The following AKAP12 variants were observed in gnomAD, a reference collection of about 807,000 sequenced individuals.
AKAP12 encodes the protein A-kinase anchor protein 12.
Under a neutral mutation model 79.9 loss-of-function variants are expected in AKAP12, and 32 were observed. That is an observed-to-expected ratio of 0.40 (90% CI 0.30 to 0.54). The LOEUF (loss-of-function observed/expected upper bound fraction) is 0.54, where lower values mean the gene tolerates loss of function less well. Among genes scored for constraint, AKAP12 ranks in the 20% least tolerant of loss-of-function variants. The pLI is 0.48. For synonymous variants in AKAP12, 808 were observed against 857.0 expected (o/e 0.94, Z 1.00); for missense variants, 2,074 against 2,177.0 (o/e 0.95, Z 0.94).
chr6:151,261,733 TTTTA>T (rs59211098), intron 2 of AKAP12, among the ~76,000 whole-genome samples: 7,497 of 143,956 alleles, frequency 0.052, 211 homozygotes, highest in South Asian at 0.1. Flanking sequence ...GTTTTTATTA[TTTTA>T]TTTATTTATT....
intron 3 of AKAP12, among the ~76,000 whole-genome samples, chr6:151,344,335 A>G (rs1380964481): frequency 6.6e-6 from 1 of 152,176 alleles, no homozygotes; most frequent in Non-Finnish European, 1.5e-5. Context: ...AAAGGCCCTT[A>G]TTGAGTCTCT....
rs1050198599 is a variant in AKAP12 at position 151,351,420 on chromosome 6, C to G, written c.3029C>G (p.Thr1010Ser). Residue 1010 changes from threonine (T) to serine (S), a missense_variant, in exon 4 of 5, where the codon ACC becomes AGC. Physicochemically the swap from Thr to Ser is moderately conservative, Grantham distance 58. Coordinates refer to ENST00000402676, the MANE Select transcript of AKAP12 (RefSeq NM_005100.4). This position sits in a 1 kb window ranked among gnomAD's most constrained non-coding sequence, Gnocchi z 4.4. ...ATGGTGTCAGCAGTCTCCCAGTTAA[C>G]CGACTCCCCAGACACCACAGAGGAG... ...TEMVSAVSQL[T>S]DSPDTTEEAT... is the part of the protein sequence containing the mutation. The G allele has an allele frequency of 6.2e-7, 1 of 1,614,212 alleles. No homozygotes were observed. Among genetic ancestry groups the G allele is most frequent in the Admixed American group, 1.7e-5 (1 of 60,032 alleles).
intron 2 of AKAP12, among the ~76,000 whole-genome samples, chr6:151,259,503 T>TAC (rs1229874902): frequency 1.3e-4 from 12 of 92,248 alleles, no homozygotes; most frequent in African/African-American, 6.3e-4. Context: ...TATACATGTA[T>TAC]ATATATATAC....
chr6:151,259,079 C>T (rs192408649), intron 2 of AKAP12, among the ~76,000 whole-genome samples: 1 of 151,526 alleles, frequency 6.6e-6, no homozygotes, highest in East Asian at 1.9e-4. Context: ...GAGTCTTGCT[C>T]TGTCACCCAG....
chr6:151,289,999 CTTTCGTGTTT>C (rs1776580248), intron 2 of AKAP12, among the ~76,000 whole-genome samples: 1 of 152,178 alleles, frequency 6.6e-6, no homozygotes, highest in African/African-American at 2.4e-5. Context: ...TTTTGATACA[CTTTCGTGTTT>C]AGAAGGTAAC....
rs546431280 is a variant in AKAP12 at position 151,335,952 on chromosome 6, CTA to C, written c.320-12757_320-12756del. Reference sequence around the variant, plus strand: ...CCCTCCCTTTTAGAGTACCCAGTGTCTATTATTTCCATCTTTATGTCCCTGTG... The same window carrying C: ...CCCTCCCTTTTAGAGTACCCAGTGTCTTATTTCCATCTTTATGTCCCTGTG... On this transcript the variant is annotated intron_variant, in intron 3 of 4. Coordinates refer to ENST00000402676, the MANE Select transcript of AKAP12 (RefSeq NM_005100.4). Among the ~76,000 whole-genome samples, 6 of 152,280 alleles carry C rather than the reference CTA, an allele frequency of 3.9e-5. No homozygotes were observed. The East Asian group carries it at 9.6e-4, about 24-fold the overall frequency.
chr6:151,348,681 C>CCCA, intron 3 of AKAP12, 30 bp from the exon 4 acceptor site: 16 of 218,348 alleles, frequency 7.3e-5, no homozygotes, highest in South Asian at 2.0e-4. Flanking sequence ...TTTCTCTTCT[C>CCCA]CCCACCCCCC....
intron 2 of AKAP12, among the ~76,000 whole-genome samples, chr6:151,285,569 C>T (rs1582856033): frequency 6.6e-6 from 1 of 151,452 alleles, no homozygotes; most frequent in African/African-American, 2.4e-5. Context: ...GCGGTGACTT[C>T]TCTGGTTGTA....
chr6:151,289,406 C>T (rs1207614745), intron 2 of AKAP12, among the ~76,000 whole-genome samples: 1 of 152,086 alleles, frequency 6.6e-6, no homozygotes, highest in African/African-American at 2.4e-5. Flanking sequence ...ATATTCTGAC[C>T]AGCCTGCATG....
intron 2 of AKAP12, among the ~76,000 whole-genome samples, chr6:151,274,695 G>A (rs1478019209): frequency 2.0e-5 from 3 of 152,150 alleles, no homozygotes; most frequent in African/African-American, 4.8e-5. Flanking sequence ...TAGAAAAAAG[G>A]AGTGTTTGTG....
intron 2 of AKAP12, among the ~76,000 whole-genome samples, chr6:151,254,278 A>G (rs896032284): frequency 2.0e-5 from 3 of 152,172 alleles, no homozygotes; most frequent in African/African-American, 7.2e-5. Flanking sequence ...GATTGGTTTT[A>G]TAGCTGATTT....
intron 2 of AKAP12, among the ~76,000 whole-genome samples, chr6:151,297,590 AG>A (rs1360988236): frequency 2.2e-5 from 3 of 138,482 alleles, no homozygotes; most frequent in African/African-American, 8.1e-5. Flanking sequence ...AAAAAAAAAA[AG>A]GCTACTGTGT....
intron 2 of AKAP12, among the ~76,000 whole-genome samples, chr6:151,275,676 G>T (rs1030884037): frequency 6.6e-6 from 1 of 152,094 alleles, no homozygotes; most frequent in Non-Finnish European, 1.5e-5. Flanking sequence ...AATCTTTTAC[G>T]ATGGCATGAT....
intron 2 of AKAP12, among the ~76,000 whole-genome samples, chr6:151,296,672 G>C (rs550195155): frequency 1.3e-5 from 2 of 152,280 alleles, no homozygotes; most frequent in African/African-American, 4.8e-5. Context: ...AGCTACTCAG[G>C]AGGCTGAAAC....
chr6:151,256,252 C>T (rs1797295096), intron 2 of AKAP12, among the ~76,000 whole-genome samples: 1 of 152,076 alleles, frequency 6.6e-6, no homozygotes, highest in Non-Finnish European at 1.5e-5. Flanking sequence ...TTTCCAGAAC[C>T]CTTAATATGT....
intron 3 of AKAP12, among the ~76,000 whole-genome samples, chr6:151,310,131 G>A (rs182653345): frequency 5.9e-5 from 9 of 152,252 alleles, no homozygotes; most frequent in African/African-American, 2.2e-4. Flanking sequence ...GGGGGGCCGA[G>A]GCGAGTGGAT....
In AKAP12 at chr6:151,350,044, A is replaced by T; in HGVS notation, c.1653A>T (p.Pro551=). ...AATCAGGGGAGCACACTCAGGTTCC[A>T]GCCGATTCTCCGGACAGCCAGGAGG... ...DEESGEHTQV[P]ADSPDSQEEQ... Residue 551 remains proline, a synonymous_variant, in exon 4 of 5, where the codon CCA becomes CCT. Coordinates refer to ENST00000402676, the MANE Select transcript of AKAP12 (RefSeq NM_005100.4). This position sits in a 1 kb window ranked among gnomAD's most constrained non-coding sequence, Gnocchi z 4.8. The T allele has an allele frequency of 2.5e-6, 4 of 1,614,168 alleles. No homozygotes were observed. The highest frequency in any genetic ancestry group is 3.4e-6 in the Non-Finnish European group (4 of 1,180,030).
At position 151,349,487 on chromosome 6, in the gene AKAP12, C is replaced by T; in HGVS notation, c.1096C>T (p.His366Tyr). Reference protein sequence around the residue: ...AHPQEPAESAHEPRLSAEYEK... With the variant: ...AHPQEPAESAYEPRLSAEYEK... ...CCCACAGGAGCCGGCAGAAAGTGCC[C>T]ACGAGCCCCGGTTATCAGCTGAATA... is the stretch of plus-strand genomic sequence containing the variant. The change falls in exon 4 of 5, where the codon CAC becomes TAC. Residue 366 changes from histidine (H) to tyrosine (Y), a missense_variant. By Grantham distance (83) the His-to-Tyr change is moderately conservative. Transcript: ENST00000402676. 6.2e-7 allele frequency: 1 copy of T among 1,607,894 alleles called. No individual in the cohort carries two copies. The highest frequency in any genetic ancestry group is 2.2e-5 in the East Asian group (1 of 44,822).
chr6:151,341,283 A>T (rs1206692679), intron 3 of AKAP12, among the ~76,000 whole-genome samples: 1 of 151,872 alleles, frequency 6.6e-6, no homozygotes, highest in Non-Finnish European at 1.5e-5. Flanking sequence ...CTAACTCCTG[A>T]TCTCAGGTGA....
Sources: allele counts gnomAD v4.1 joint callset (sites outside exome capture counted in the v4.1 genomes callset), GRCh38; gene constraint gnomAD v4.1.1; non-coding constraint Gnocchi (gnomAD v3.1); transcripts MANE v1.5; gene names NCBI Gene and HGNC (gene_info 2026-07-23, HGNC 2026-07-21).